SGK1: variants seen among roughly 807,000 people sequenced by gnomAD.
SGK1 encodes serum/glucocorticoid regulated kinase 1.
Under a neutral mutation model 64.2 loss-of-function variants are expected in SGK1, and 26 were observed. That is an observed-to-expected ratio of 0.40 (90% CI 0.30 to 0.56). The LOEUF (loss-of-function observed/expected upper bound fraction) is 0.56. Among genes scored for constraint, SGK1 ranks in the 20% least tolerant of loss-of-function variants. The pLI is 0.38. For synonymous variants in SGK1, 265 were observed against 239.7 expected (o/e 1.11, Z -0.98); for missense variants, 519 against 645.6 (o/e 0.80, Z 2.12).
chr6:134,217,890 T>G (rs184638718), intron 2 of SGK1, among the ~76,000 whole-genome samples: 69 of 152,310 alleles, frequency 4.5e-4, no homozygotes, highest in African/African-American at 1.6e-3. Context: ...CTTTTTTATT[T>G]TGATATTTTT....
intron 2 of SGK1, among the ~76,000 whole-genome samples, chr6:134,219,187 T>A (rs1776038690): frequency 1.3e-5 from 2 of 152,032 alleles, no homozygotes; most frequent in South Asian, 4.2e-4. Flanking sequence ...TTGTTTTGCA[T>A]TTTTAGTAGA....
Position 134,317,406 on chromosome 6 carries a change from A to G in SGK1, c.55T>C (p.Phe19Leu). The part of the protein sequence containing the change: ...FPVKKCSAFQ[F>L]FKKRVRRWIK... ...CCTGTCCTTACCCGCTTCTTAAAAA[A>G]TTGGAAGGCTGAGCATTTCTTGACT... The change falls in exon 1 of 14, where the codon TTT becomes CTT. Residue 19 changes from phenylalanine to leucine, a missense_variant. Around this residue, in one of 2 missense-constraint regions of SGK1, gnomAD observed 241 missense variants for 236.9 expected, o/e 1.02. Coordinates refer to ENST00000367858, the MANE Select transcript of SGK1 (RefSeq NM_001143676.3). The G allele has an allele frequency of 6.2e-7, 1 of 1,605,014 alleles. No homozygotes were observed.
intron 2 of SGK1, among the ~76,000 whole-genome samples, chr6:134,236,795 G>T (rs1487497077): frequency 6.6e-6 from 1 of 151,994 alleles, no homozygotes; most frequent in Non-Finnish European, 1.5e-5. Context: ...ACTAATTGCA[G>T]AATGAAATGG....
intron 2 of SGK1, among the ~76,000 whole-genome samples, chr6:134,217,265 A>C (rs976329300): frequency 6.6e-6 from 1 of 152,084 alleles, no homozygotes; most frequent in African/African-American, 2.4e-5. Context: ...ATGGCTTTGG[A>C]ATTTGGTGAC....
At chr6:134,212,227 G>A (rs1422539663) in intron 2 of SGK1, among the ~76,000 whole-genome samples, 1 of 151,776 alleles carries the variant, frequency 6.6e-6, no homozygotes, top group African/African-American at 2.4e-5. Context: ...CTAATTTTTT[G>A]TATTTTTAAT....
intron 2 of SGK1, among the ~76,000 whole-genome samples, chr6:134,243,925 C>A (rs1776486131): frequency 6.6e-6 from 1 of 151,978 alleles, no homozygotes; most frequent in Non-Finnish European, 1.5e-5. Context: ...GTTCAGAAAA[C>A]TCTAAACAAT....
rs150225853 is a variant in SGK1 at position 134,292,358 on chromosome 6, C to T, written c.69+25034G>A. Among the ~76,000 whole-genome samples the T allele has an allele frequency of 2.1e-3, 316 of 152,120 alleles. 2 individuals carry two copies. The highest frequency in any genetic ancestry group is 6.8e-3 in the Middle Eastern group (2 of 292). On this transcript the variant is annotated intron_variant, in intron 1 of 13. Coordinates refer to ENST00000367858, the MANE Select transcript of SGK1 (RefSeq NM_001143676.3). ...CTGTAATCCCAAAACTCTGGGAGGC[C>T]GAGGCGGGTGGATCACCTGAAGTCA...
intron 2 of SGK1, among the ~76,000 whole-genome samples, chr6:134,212,085 T>A (rs1743952): frequency 6.6e-6 from 1 of 150,724 alleles, no homozygotes; most frequent in Non-Finnish European, 1.5e-5. Flanking sequence ...ACGGAGTCTC[T>A]CTCTGTCGCC....
Position 134,265,553 on chromosome 6 carries a change from T to A in SGK1, c.70-3405A>T, listed in dbSNP as rs532497992. 1.4e-3 allele frequency among the ~76,000 whole-genome samples: 199 copies of A among 146,506 alleles called. 1 individual carries two copies. Among genetic ancestry groups the A allele is most frequent in the African/African-American group, 4.5e-3 (181 of 40,076 alleles). ...TATATTTTATATACACATATATATT[T>A]TATATATATACATATATATTTATAC... On this transcript the variant is annotated intron_variant, in intron 1 of 13. Coordinates refer to ENST00000367858, the MANE Select transcript of SGK1 (RefSeq NM_001143676.3).
At chr6:134,202,553 CAGG>C (rs1309627258) in intron 3 of SGK1, among the ~76,000 whole-genome samples, 1 of 151,960 alleles carries the variant, frequency 6.6e-6, no homozygotes, top group Non-Finnish European at 1.5e-5. Flanking sequence ...AGACAGGAGA[CAGG>C]AGAATTGCTT....
intron 1 of SGK1, among the ~76,000 whole-genome samples, chr6:134,280,616 AATTCTTTATGG>A (rs1304447789): frequency 6.6e-6 from 1 of 152,026 alleles, no homozygotes; most frequent in Non-Finnish European, 1.5e-5. Context: ...CTAGATTGTA[AATTCTTTATGG>A]ATTCTTTATG....
At chr6:134,207,157 C>T (rs558513758) in intron 3 of SGK1, among the ~76,000 whole-genome samples, 199 bp downstream of exon 3, 3 of 151,556 alleles carry the variant, frequency 2.0e-5, no homozygotes, top group Admixed American at 1.3e-4. Flanking sequence ...ACCTGGGAGG[C>T]GGAGCTTGCA....
chr6:134,232,484 A>AAAGG (rs1776305295), intron 2 of SGK1, among the ~76,000 whole-genome samples: 1 of 132,556 alleles, frequency 7.5e-6, no homozygotes, highest in South Asian at 2.3e-4. Context: ...AGAAAGAAAG[A>AAAGG]GAAAGAAAAA....
chr6:134,187,005 G>A (rs191212711), intron 3 of SGK1, among the ~76,000 whole-genome samples: 6 of 152,038 alleles, frequency 3.9e-5, no homozygotes, highest in Admixed American at 6.6e-5. Context: ...TAGTACAGAC[G>A]GGGTTTCAGT....
chr6:134,237,058 CT>C (rs56379518), intron 2 of SGK1, among the ~76,000 whole-genome samples: 276 of 138,332 alleles, frequency 2.0e-3, no homozygotes, highest in African/African-American at 5.8e-3. Context: ...TTTTCTTTTT[CT>C]TTTTTTTTTT....
intron 1 of SGK1, among the ~76,000 whole-genome samples, chr6:134,282,359 A>G (rs1237520880): frequency 6.6e-6 from 1 of 152,130 alleles, no homozygotes; most frequent in South Asian, 2.1e-4. Context: ...GTTAACTTCT[A>G]AAAGAGTTTA....
intron 1 of SGK1, among the ~76,000 whole-genome samples, chr6:134,302,812 T>C (rs1777477703): frequency 6.6e-6 from 1 of 152,130 alleles, no homozygotes; most frequent in African/African-American, 2.4e-5. Flanking sequence ...TGGAGTGTAG[T>C]GGGGTGATCT....
chr6:134,189,650 C>G (rs1257780273), intron 3 of SGK1, among the ~76,000 whole-genome samples: 1 of 152,148 alleles, frequency 6.6e-6, no homozygotes, highest in African/African-American at 2.4e-5. Context: ...AAATCTAATT[C>G]CTTAGAGCAC....
At chr6:134,247,899 A>G (rs1295524897) in intron 2 of SGK1, among the ~76,000 whole-genome samples, 1 of 152,216 alleles carries the variant, frequency 6.6e-6, no homozygotes, top group Non-Finnish European at 1.5e-5. Flanking sequence ...ATTATCATTC[A>G]TAATAACCAT....
Sources: allele counts gnomAD v4.1 joint callset (sites outside exome capture counted in the v4.1 genomes callset), GRCh38; gene constraint gnomAD v4.1.1; regional missense constraint gnomAD v4.1.1; transcripts MANE v1.5; gene names NCBI Gene and HGNC (gene_info 2026-07-23, HGNC 2026-07-21).